The following DPH6 variants were observed in gnomAD, a reference collection of about 807,000 sequenced individuals.
DPH6 encodes diphthine--ammonia ligase.
Under a neutral mutation model 38.2 loss-of-function variants are expected in DPH6, and 33 were observed. That is an observed-to-expected ratio of 0.86 (90% CI 0.65 to 1.15). The LOEUF (loss-of-function observed/expected upper bound fraction) is 1.15. DPH6 is among the 50% of genes most tolerant of loss of function. The pLI is 0.00. For synonymous variants in DPH6, 108 were observed against 103.0 expected (o/e 1.05, Z -0.30); for missense variants, 325 against 320.0 (o/e 1.02, Z -0.12).
chr15:35,294,797 T>C (rs750371944), intron 3 of DPH6, among the ~76,000 whole-genome samples: 1 of 152,128 alleles, frequency 6.6e-6, no homozygotes, highest in Non-Finnish European at 1.5e-5. Context: ...CAAAGAGCTA[T>C]AAGAACTGGA....
At chr15:35,420,395 A>G (rs1018376835) in intron 5 of DPH6, among the ~76,000 whole-genome samples, 2 of 152,224 alleles carry the variant, frequency 1.3e-5, no homozygotes, top group African/African-American at 4.8e-5. Flanking sequence ...AAGGATTAGA[A>G]AAAGAAGACA....
intron 3 of DPH6, among the ~76,000 whole-genome samples, chr15:35,512,139 T>A (rs2054783217): frequency 1.3e-5 from 2 of 152,120 alleles, no homozygotes; most frequent in South Asian, 4.1e-4. Context: ...TTTCATAAAG[T>A]GAAATATACC....
chr15:35,166,721 T>G, the DPH6 span, among the ~76,000 whole-genome samples: 1 of 151,902 alleles, frequency 6.6e-6, no homozygotes, highest in Non-Finnish European at 1.5e-5. Flanking sequence ...AGTGAGTAAT[T>G]GTAATGTTTA....
chr15:35,320,212 T>A (rs1318166189), intron 3 of DPH6, among the ~76,000 whole-genome samples: 1 of 152,188 alleles, frequency 6.6e-6, no homozygotes, highest in Non-Finnish European at 1.5e-5. Context: ...CTTAATTTTG[T>A]TTTCCCAAAG....
At chr15:35,414,212 G>A (rs2053407841) in intron 5 of DPH6, among the ~76,000 whole-genome samples, 1 of 151,620 alleles carries the variant, frequency 6.6e-6, no homozygotes, top group Non-Finnish European at 1.5e-5. Context: ...TTTCACTGAT[G>A]ATCTGTGAGT....
At chr15:35,418,364 T>C (rs1010648973) in intron 5 of DPH6, among the ~76,000 whole-genome samples, 1 of 152,122 alleles carries the variant, frequency 6.6e-6, no homozygotes, top group South Asian at 2.1e-4. Context: ...CATGAATATA[T>C]TACTTTGAGT....
chr15:35,424,260 G>A (rs1566904619), intron 5 of DPH6, among the ~76,000 whole-genome samples: 2 of 151,564 alleles, frequency 1.3e-5, no homozygotes, highest in East Asian at 3.9e-4. Flanking sequence ...AATTTTCAGT[G>A]TGCAAGACTT....
chr15:35,309,538 T>C (rs1405939378), intron 3 of DPH6, among the ~76,000 whole-genome samples: 2 of 152,166 alleles, frequency 1.3e-5, no homozygotes, highest in East Asian at 1.9e-4. Flanking sequence ...ACAGAATTCA[T>C]AGTAACTGCC....
chr15:35,520,659 G>T, intron 3 of DPH6: 1 of 984,700 alleles, frequency 1.0e-6, no homozygotes, highest in Non-Finnish European at 1.2e-6. Flanking sequence ...TCTCATTTTG[G>T]TAATTTGAAA....
At chr15:35,428,967 A>G (rs1219610765) in intron 5 of DPH6, among the ~76,000 whole-genome samples, 1 of 152,182 alleles carries the variant, frequency 6.6e-6, no homozygotes, top group East Asian at 1.9e-4. Context: ...TAAGTTTTTC[A>G]TATTATAAAA....
At chr15:35,430,842 C>A (rs910978606) in intron 5 of DPH6, among the ~76,000 whole-genome samples, 1 of 152,166 alleles carries the variant, frequency 6.6e-6, no homozygotes, top group Non-Finnish European at 1.5e-5. Context: ...TGTATCTTAT[C>A]TGAAATATCT....
intron 3 of DPH6, among the ~76,000 whole-genome samples, chr15:35,334,429 T>A (rs539135733): frequency 6.6e-6 from 1 of 152,240 alleles, no homozygotes; most frequent in Non-Finnish European, 1.5e-5. Flanking sequence ...GGGGTAAATG[T>A]GCAGGATGTG....
chr15:35,521,877 G>A (rs539878407), intron 3 of DPH6: 3 of 1,376,360 alleles, frequency 2.2e-6, no homozygotes, highest in East Asian at 2.7e-5. Flanking sequence ...ATGTTAATTA[G>A]TGTTCACATT....
chr15:35,419,646 C>T (rs904476449), intron 5 of DPH6, among the ~76,000 whole-genome samples: 8 of 151,982 alleles, frequency 5.3e-5, no homozygotes. Context: ...GCAAAGATAG[C>T]TATACTAACC....
chr15:35,476,057 C>T (rs1388932606), intron 3 of DPH6, among the ~76,000 whole-genome samples: 1 of 151,494 alleles, frequency 6.6e-6, no homozygotes, highest in Non-Finnish European at 1.5e-5. Flanking sequence ...AAAGAGAAGG[C>T]TAATTTATAA....
chr15:35,468,563 C>T (rs967193329), intron 3 of DPH6, among the ~76,000 whole-genome samples: 8 of 152,130 alleles, frequency 5.3e-5, no homozygotes, highest in African/African-American at 1.7e-4. Context: ...AGGGAAATCT[C>T]TGGGGTGGGG....
rs2053221150 is a variant in DPH6 at position 35,401,639 on chromosome 15, A to G, written c.567+9196T>C. The G allele has an allele frequency of 1.9e-5, 14 of 754,852 alleles. No individual in the cohort carries two copies. In the Admixed American group the frequency reaches 2.4e-4, roughly 13 times the overall value. 46.8% of individuals were successfully genotyped at this position (754,852 alleles called of 1,614,324 possible). On this transcript the variant is annotated intron_variant, in intron 6 of 8. Coordinates refer to ENST00000256538, the MANE Select transcript of DPH6 (RefSeq NM_080650.4). ...CTTCGAATTTTGGAACCATGAAGGT[A>G]GGAAACTTTGGAGGCAGAAACTCTG...
At chr15:35,241,230 C>G (rs1595442500) in intron 3 of DPH6, among the ~76,000 whole-genome samples, 1 of 143,796 alleles carries the variant, frequency 7.0e-6, no homozygotes, top group African/African-American at 2.5e-5. Flanking sequence ...ATCTTCTCGG[C>G]TTAGCAGCTG....
At chr15:35,354,938 C>CT (rs1261282517) in intron 3 of DPH6, among the ~76,000 whole-genome samples, 2 of 152,144 alleles carry the variant, frequency 1.3e-5, no homozygotes, top group African/African-American at 4.8e-5. Context: ...TCGTAGGTCT[C>CT]TAAGGACTTG....
Sources: gnomAD v4.1 joint callset for allele counts (sites outside exome capture counted in the v4.1 genomes callset) on GRCh38, gnomAD v4.1.1 for gene constraint, MANE v1.5 for transcripts, NCBI Gene and HGNC (gene_info 2026-07-23, HGNC 2026-07-21) for gene names.